The following UBAP1 variants were observed in gnomAD, a reference collection of about 807,000 sequenced individuals.
UBAP1 encodes ubiquitin-associated protein 1.
UBAP1 carries 5 observed loss-of-function variants against 39.0 expected under a neutral mutation model. The ratio of observed to expected loss-of-function variants is 0.13; its 90% CI spans 0.07 to 0.27. The LOEUF is 0.27. Among genes scored for constraint, UBAP1 ranks in the 10% least tolerant of loss-of-function variants. UBAP1 has a pLI of 1.00. For synonymous variants in UBAP1, 211 were observed against 225.1 expected, an observed-to-expected ratio of 0.94 and a Z score of 0.56; for missense variants, 490 against 608.1, an observed-to-expected ratio of 0.81 and a Z score of 2.04.
intron 6 of UBAP1, 135 bp from the exon 7 acceptor site, chr9:34,251,257 A>G: frequency 1.1e-6 from 1 of 946,836 alleles, no homozygotes; most frequent in Non-Finnish European, 1.6e-6. Flanking sequence ...GACCTTATGG[A>G]GACTCACGGG....
At chr9:34,182,681 T>TCTCTCTCTCTCTCTCTC (rs1554645042) in intron 1 of UBAP1, among the ~76,000 whole-genome samples, 1 of 115,496 alleles carries the variant, frequency 8.7e-6, no homozygotes, top group African/African-American at 3.4e-5. Context: ...CTTTCTTTCT[T>TCTCTCTCTCTCTCTCTC]TCTCTCTCTC....
intron 1 of UBAP1, among the ~76,000 whole-genome samples, chr9:34,210,874 T>A (rs4319185): frequency 6.6e-6 from 1 of 151,442 alleles, no homozygotes; most frequent in Non-Finnish European, 1.5e-5. Context: ...TTGAATAATT[T>A]GTCAACCTTT....
intron 1 of UBAP1, chr9:34,212,088 C>A (rs187422557): frequency 5.7e-6 from 2 of 350,608 alleles, no homozygotes; most frequent in African/African-American, 2.2e-5. Flanking sequence ...GATACTTTCC[C>A]TTTAATAGAA....
intron 1 of UBAP1, among the ~76,000 whole-genome samples, chr9:34,198,272 C>G (rs1047598569): frequency 6.6e-6 from 1 of 152,194 alleles, no homozygotes; most frequent in African/African-American, 2.4e-5. Flanking sequence ...CTATAGGCTG[C>G]ATTCTGCAAT....
chr9:34,215,679 AAAAT>A (rs771063112), intron 1 of UBAP1, among the ~76,000 whole-genome samples: 11 of 152,168 alleles, frequency 7.2e-5, no homozygotes, highest in East Asian at 3.9e-4. Context: ...AACTTATGGA[AAAAT>A]AAATAATAAA....
At chr9:34,200,203 T>C (rs368694494) in intron 1 of UBAP1, among the ~76,000 whole-genome samples, 16 of 152,214 alleles carry the variant, frequency 1.1e-4, no homozygotes, top group African/African-American at 3.6e-4. Flanking sequence ...GTCTCAGTTA[T>C]ATGAAATCAG....
intron 1 of UBAP1, among the ~76,000 whole-genome samples, chr9:34,204,948 T>A (rs1831602175): frequency 6.6e-6 from 1 of 152,214 alleles, no homozygotes; most frequent in Non-Finnish European, 1.5e-5. Flanking sequence ...ATACTTTAAA[T>A]AAATTGTAAT....
intron 2 of UBAP1, among the ~76,000 whole-genome samples, chr9:34,231,799 G>A (rs761830122): frequency 2.7e-5 from 4 of 147,866 alleles, no homozygotes; most frequent in Non-Finnish European, 6.0e-5. Flanking sequence ...CGCCCCCACT[G>A]CGCCCGGCTC....
At chr9:34,187,748 G>T (rs1262347379) in intron 1 of UBAP1, among the ~76,000 whole-genome samples, 1 of 150,398 alleles carries the variant, frequency 6.6e-6, no homozygotes, top group Non-Finnish European at 1.5e-5. Context: ...GGACTTGTGT[G>T]TCTCCTATCT....
At chr9:34,221,546 G>A (rs1040365662) in intron 2 of UBAP1, among the ~76,000 whole-genome samples, 2 of 148,544 alleles carry the variant, frequency 1.3e-5, no homozygotes, top group Admixed American at 6.7e-5. Context: ...AAAAAAAAAG[G>A]TATAGTTACC....
At chr9:34,204,244 G>A (rs1050765022) in intron 1 of UBAP1, among the ~76,000 whole-genome samples, 1 of 152,112 alleles carries the variant, frequency 6.6e-6, no homozygotes, top group East Asian at 1.9e-4. Context: ...CAAGAATCTT[G>A]CTGCTGCACT....
chr9:34,243,970 C>T (rs368550363), intron 4 of UBAP1, among the ~76,000 whole-genome samples: 1 of 152,172 alleles, frequency 6.6e-6, no homozygotes, highest in African/African-American at 2.4e-5. Context: ...CTGCCTCAGC[C>T]TCCAGAGTAG....
intron 1 of UBAP1, among the ~76,000 whole-genome samples, chr9:34,184,857 C>T (rs1259930049): frequency 1.3e-4 from 19 of 150,906 alleles, no homozygotes; most frequent in Non-Finnish European, 1.8e-4. Flanking sequence ...CTCTTGACCT[C>T]GTGATCCTCC....
At chr9:34,201,827 G>A (rs1831388936) in intron 1 of UBAP1, among the ~76,000 whole-genome samples, 1 of 152,068 alleles carries the variant, frequency 6.6e-6, no homozygotes, top group African/African-American at 2.4e-5. Context: ...ACAAGTCTGG[G>A]CCTCAAGTGC....
Position 34,196,231 on chromosome 9 carries a change from C to T in UBAP1, c.-8+16991C>T, listed in dbSNP as rs116438814. ...ATGGCTCACTGCAGCCTCGACCTTT[C>T]GGGCTGAAGTTTATCCTCCTACCTC... On this transcript the variant is annotated intron_variant, in intron 1 of 6. Coordinates refer to ENST00000297661, the MANE Select transcript of UBAP1 (RefSeq NM_016525.5). 5.7e-3 allele frequency among the ~76,000 whole-genome samples: 856 copies of T among 151,104 alleles called. 4 individuals are homozygous for T. Among genetic ancestry groups the T allele is most frequent in the Middle Eastern group, 0.021 (6 of 290 alleles).
At chr9:34,227,939 C>T (rs552726708) in intron 2 of UBAP1, among the ~76,000 whole-genome samples, 1 of 151,898 alleles carries the variant, frequency 6.6e-6, no homozygotes, top group South Asian at 2.1e-4. Context: ...CCAGCCTGGG[C>T]AACAAAGTGA....
chr9:34,189,999 C>A (rs1178785463), intron 1 of UBAP1, among the ~76,000 whole-genome samples: 1 of 152,082 alleles, frequency 6.6e-6, no homozygotes, highest in South Asian at 2.1e-4. Context: ...CCAAAGGAAA[C>A]AAACTTAACA....
intron 3 of UBAP1, among the ~76,000 whole-genome samples, chr9:34,234,905 G>A (rs1833607951): frequency 6.6e-6 from 1 of 151,992 alleles, no homozygotes; most frequent in African/African-American, 2.4e-5. Flanking sequence ...CCTCAGGTAG[G>A]TCCTTCAGGA....
At chr9:34,217,942 G>A (rs575964732) in intron 1 of UBAP1, among the ~76,000 whole-genome samples, 1 of 150,242 alleles carries the variant, frequency 6.7e-6, no homozygotes, top group Non-Finnish European at 1.5e-5. Flanking sequence ...ATGGTGAACA[G>A]TTGAGCCTTT....
Sources: gnomAD v4.1 joint callset for allele counts (sites outside exome capture counted in the v4.1 genomes callset) on GRCh38, gnomAD v4.1.1 for gene constraint, MANE v1.5 for transcripts, NCBI Gene and HGNC (gene_info 2026-07-23, HGNC 2026-07-21) for gene names.